Variants in MAGI1 observed in about 807,000 individuals in gnomAD.
The protein encoded by MAGI1 is membrane associated guanylate kinase, WW and PDZ domain containing 1.
MAGI1 carries 58 observed loss-of-function variants against 139.9 expected under a neutral mutation model. The ratio of observed to expected loss-of-function variants is 0.41; its 90% CI spans 0.34 to 0.52. The LOEUF (loss-of-function observed/expected upper bound fraction) is 0.52, where lower values mean the gene tolerates loss of function less well. Among genes scored for constraint, MAGI1 ranks in the 20% least tolerant of loss-of-function variants. The pLI is 0.12. For synonymous variants in MAGI1, 812 were observed against 737.9 expected (o/e 1.10, Z -1.63); for missense variants, 1,874 against 1,901.6 (o/e 0.99, Z 0.27).
chr3:65,873,644 T>C (rs1165897235), intron 1 of MAGI1: 1 of 152,222 alleles, frequency 6.6e-6, no homozygotes, highest in Non-Finnish European at 1.5e-5. Flanking sequence ...GGACAGCATG[T>C]GTAGAGACTG....
At chr3:65,692,633 T>C (rs1311744437) in intron 1 of MAGI1, among the ~76,000 whole-genome samples, 5 of 152,184 alleles carry the variant, frequency 3.3e-5, no homozygotes, top group Admixed American at 3.3e-4. Flanking sequence ...ACTGGAATCT[T>C]GTCCCACAGT....
At chr3:65,549,191 G>A (rs891042510) in intron 2 of MAGI1, among the ~76,000 whole-genome samples, 4 of 152,138 alleles carry the variant, frequency 2.6e-5, no homozygotes, top group Admixed American at 1.3e-4. Flanking sequence ...CTGGGGAGGC[G>A]GGAAGGGGGA....
chr3:66,038,344 A>G lies in MAGI1; in HGVS notation c.-36T>C, dbSNP rs1468675068. Reference sequence around the variant, plus strand: ...ACCCCTCCTCCAAAAAAATAAAACGAGAGACAGGTGCCCCCCACAGCACGA... The same window carrying G: ...ACCCCTCCTCCAAAAAAATAAAACGGGAGACAGGTGCCCCCCACAGCACGA... On this transcript the variant is annotated 5_prime_UTR_variant, in exon 1 of 23. Coordinates refer to ENST00000402939, the MANE Select transcript of MAGI1 (RefSeq NM_001033057.2). 2 of 1,514,840 alleles carry G rather than the reference A, an allele frequency of 1.3e-6. No homozygotes were observed. The highest frequency in any genetic ancestry group is 1.8e-6 in the Non-Finnish European group (2 of 1,133,624). The allele number at this position is 1,514,840 out of a possible 1,614,324, so 93.8% of individuals were successfully genotyped here. A position where few individuals can be genotyped will look rare whatever the true frequency, so the allele number is the denominator to read the frequency against.
intron 18 of MAGI1, among the ~76,000 whole-genome samples, chr3:65,374,331 T>TG (rs1942291455): frequency 6.8e-6 from 1 of 146,556 alleles, no homozygotes; most frequent in Non-Finnish European, 1.5e-5. Flanking sequence ...TTTTTTTTTT[T>TG]TTTTTGAGAT....
chr3:65,852,246 G>A (rs1221332929), intron 1 of MAGI1, among the ~76,000 whole-genome samples: 1 of 152,154 alleles, frequency 6.6e-6, no homozygotes, highest in Non-Finnish European at 1.5e-5. Context: ...AGGTAACAAG[G>A]TAGCTGGCGA....
At chr3:65,746,644 A>G (rs969334922) in intron 1 of MAGI1, among the ~76,000 whole-genome samples, 5 of 152,094 alleles carry the variant, frequency 3.3e-5, no homozygotes, top group African/African-American at 1.2e-4. Flanking sequence ...GTGAGCACAA[A>G]CTACCCTTGC....
chr3:65,922,217 A>G (rs1202650430), intron 1 of MAGI1, among the ~76,000 whole-genome samples: 1 of 152,196 alleles, frequency 6.6e-6, no homozygotes. Context: ...ACCTAGATTC[A>G]TGCATTAGCA....
At chr3:65,800,655 T>C (rs556312473) in intron 1 of MAGI1, among the ~76,000 whole-genome samples, 66 of 151,724 alleles carry the variant, frequency 4.4e-4, no homozygotes, top group African/African-American at 1.5e-3. Flanking sequence ...AAAACTGATG[T>C]AAGAAATTGG....
intron 1 of MAGI1, among the ~76,000 whole-genome samples, chr3:65,903,866 G>A (rs2061334251): frequency 6.6e-6 from 1 of 152,006 alleles, no homozygotes; most frequent in Admixed American, 6.5e-5. Context: ...AAATTAGCCA[G>A]GTGTGGTGGT....
chr3:65,971,231 G>C (rs1402387335), intron 1 of MAGI1, among the ~76,000 whole-genome samples: 1 of 152,128 alleles, frequency 6.6e-6, no homozygotes, highest in Non-Finnish European at 1.5e-5. Flanking sequence ...CATGAACTAT[G>C]ACATTTGATG....
chr3:65,619,194 T>C (rs2030733), intron 2 of MAGI1, among the ~76,000 whole-genome samples: 51,327 of 152,064 alleles, frequency 0.34, 9,894 homozygotes, highest in Non-Finnish European at 0.44. Flanking sequence ...GAATGAGTAA[T>C]ATGGCATTTC....
intron 2 of MAGI1, among the ~76,000 whole-genome samples, chr3:65,560,382 T>C (rs1400885168): frequency 6.6e-6 from 1 of 152,228 alleles, no homozygotes; most frequent in Non-Finnish European, 1.5e-5. Context: ...GTGATTATGA[T>C]GCATTGCATT....
intron 18 of MAGI1, among the ~76,000 whole-genome samples, chr3:65,372,119 T>A (rs1379492314): frequency 2.6e-5 from 4 of 152,252 alleles, no homozygotes; most frequent in Non-Finnish European, 5.9e-5. Flanking sequence ...TCCAAATCCA[T>A]TAGAGCCATC....
intron 1 of MAGI1, among the ~76,000 whole-genome samples, chr3:65,799,012 C>G (rs568152092): frequency 6.6e-6 from 1 of 152,054 alleles, no homozygotes; most frequent in African/African-American, 2.4e-5. Context: ...TAATGATGAC[C>G]CGAGAGTGCA....
At chr3:65,383,066 T>A (rs942378480) in intron 15 of MAGI1, among the ~76,000 whole-genome samples, 2 of 152,122 alleles carry the variant, frequency 1.3e-5, no homozygotes, top group African/African-American at 4.8e-5. Context: ...TTACTCAGGG[T>A]TCTTTCTCAA....
intron 2 of MAGI1, among the ~76,000 whole-genome samples, chr3:65,583,627 TGAAAGCAGGA>T (rs1380167257): frequency 6.6e-6 from 1 of 151,952 alleles, no homozygotes; most frequent in Non-Finnish European, 1.5e-5. Flanking sequence ...GAAAGGAGGT[TGAAAGCAGGA>T]GAAAGTTCAA....
At chr3:65,945,423 G>A (rs1038250461) in intron 1 of MAGI1, among the ~76,000 whole-genome samples, 1 of 152,186 alleles carries the variant, frequency 6.6e-6, no homozygotes, top group Admixed American at 6.5e-5. Flanking sequence ...AACTTAATGG[G>A]TATGTAGTAT....
chr3:65,741,520 G>T (rs2035271172), intron 1 of MAGI1, among the ~76,000 whole-genome samples: 1 of 152,286 alleles, frequency 6.6e-6, no homozygotes, highest in Non-Finnish European at 1.5e-5. Context: ...CACATTTGAT[G>T]AAATAAAAAG....
At chr3:65,375,137 G>GGACA (rs1942375661) in intron 18 of MAGI1, among the ~76,000 whole-genome samples, 1 of 151,268 alleles carries the variant, frequency 6.6e-6, no homozygotes, top group African/African-American at 2.4e-5. Context: ...TTGAAGACAA[G>GGACA]GACACAAAAA....
Sources: allele counts gnomAD v4.1 joint callset (sites outside exome capture counted in the v4.1 genomes callset), GRCh38; gene constraint gnomAD v4.1.1; transcripts MANE v1.5; gene names NCBI Gene and HGNC (gene_info 2026-07-23, HGNC 2026-07-21).